The following DGCR2 variants were observed in gnomAD, a reference collection of about 807,000 sequenced individuals.
DGCR2 encodes integral membrane protein DGCR2/IDD.
In DGCR2, 24 loss-of-function variants were observed where a neutral mutation model predicts 51.6. The observed-to-expected ratio is 0.47, with a 90% confidence interval of 0.34 to 0.65. The LOEUF (loss-of-function observed/expected upper bound fraction) is 0.65, where lower values mean the gene tolerates loss of function less well. DGCR2 is among the 30% of genes least tolerant of loss of function. The pLI, the probability that DGCR2 is intolerant of heterozygous loss-of-function variation, is 0.01. For synonymous variants in DGCR2, 340 were observed against 315.4 expected (o/e 1.08, Z -0.82); for missense variants, 765 against 772.1 (o/e 0.99, Z 0.11).
intron 5 of DGCR2, among the ~76,000 whole-genome samples, chr22:19,058,669 GC>G: frequency 6.6e-6 from 1 of 152,310 alleles, no homozygotes; most frequent in South Asian, 2.1e-4. Flanking sequence ...GAAGCTAGTT[GC>G]CAGCTAAGAG....
chr22:19,117,524 C>T (rs909978129), intron 1 of DGCR2, among the ~76,000 whole-genome samples: 3 of 152,168 alleles, frequency 2.0e-5, no homozygotes, highest in Admixed American at 2.0e-4. Context: ...CTACTCTCTG[C>T]AATGGTTAAC....
intron 2 of DGCR2, 133 bp from the exon 3 acceptor site, chr22:19,068,358 C>G: frequency 9.1e-7 from 1 of 1,098,162 alleles, no homozygotes; most frequent in Non-Finnish European, 1.2e-6. Context: ...GCAATGCAGG[C>G]TTTCTTTAGA....
Position 19,048,496 on chromosome 22 carries a change from C to T in DGCR2, c.950G>A (p.Cys317Tyr). The T allele has an allele frequency of 6.2e-7, 1 of 1,614,196 alleles. No individual in the cohort carries two copies. The highest frequency in any genetic ancestry group is 8.5e-7 in the Non-Finnish European group (1 of 1,180,044). The change falls in exon 7 of 10, where the codon TGC becomes TAC. Residue 317 changes from cysteine to tyrosine, a missense_variant. By Grantham distance (194) the Cys-to-Tyr change is radical. Coordinates refer to ENST00000263196, the MANE Select transcript of DGCR2 (RefSeq NM_005137.3). ...VAALCERPQGCQQYRKDPKEC... is the reference protein window; with the variant it reads ...VAALCERPQGYQQYRKDPKEC... Reference sequence around the variant, plus strand: ...TTTGGGGTCCTTGCGGTACTGTTGGCAGCCCTGGGGCCTCTCACAGAGAGC... The same window carrying T: ...TTTGGGGTCCTTGCGGTACTGTTGGTAGCCCTGGGGCCTCTCACAGAGAGC...
chr22:19,063,087 C>CCATGTCT, intron 5 of DGCR2, 115 bp downstream of exon 5: 1 of 889,356 alleles, frequency 1.1e-6, no homozygotes, highest in Non-Finnish European at 1.7e-6. Context: ...CTCACCCACT[C>CCATGTCT]CCTGCACAGC....
At chr22:19,056,883 C>G (rs2086041889) in intron 6 of DGCR2, 103 bp downstream of exon 6, 1 of 1,320,710 alleles carries the variant, frequency 7.6e-7, no homozygotes, top group Non-Finnish European at 1.0e-6. Context: ...TCCACCGCAA[C>G]ACTGCAAATC....
intron 2 of DGCR2, among the ~76,000 whole-genome samples, chr22:19,079,545 C>T (rs894678326): frequency 6.6e-6 from 1 of 152,186 alleles, no homozygotes; most frequent in Non-Finnish European, 1.5e-5. Context: ...TGTCAGAATA[C>T]ATTTTTTTAA....
chr22:19,061,585 T>A (rs544220365), intron 5 of DGCR2: 1 of 152,230 alleles, frequency 6.6e-6, no homozygotes, highest in Non-Finnish European at 1.5e-5. Context: ...TTGTGCCACA[T>A]TTGGTTTTAT....
At chr22:19,105,706 G>A (rs578225835) in intron 1 of DGCR2, among the ~76,000 whole-genome samples, 40 of 158 alleles carry the variant, frequency 0.25, no homozygotes, top group East Asian at 0.5. Flanking sequence ...ACCAACCTGC[G>A]TCAGACAGAG....
At chr22:19,105,904 C>T (rs1177490830) in intron 1 of DGCR2, among the ~76,000 whole-genome samples, 1 of 152,110 alleles carries the variant, frequency 6.6e-6, no homozygotes, top group African/African-American at 2.4e-5. Flanking sequence ...CAAAGCCCCA[C>T]ATCCAGGTTC....
chr22:19,122,226 C>T lies in DGCR2; in HGVS notation c.-20G>A. ...CACCATTTATCCTCCGTTCATCGTCCCCGGGGCGGCTGGAAGGCCGGACCA... is the reference window on the plus strand; with the variant it reads ...CACCATTTATCCTCCGTTCATCGTCTCCGGGGCGGCTGGAAGGCCGGACCA... On this transcript the variant is annotated 5_prime_UTR_variant, in exon 1 of 10. Coordinates refer to ENST00000263196, the MANE Select transcript of DGCR2 (RefSeq NM_005137.3). 3 of 1,490,942 alleles carry T rather than the reference C, an allele frequency of 2.0e-6. No individual in the cohort carries two copies. Among genetic ancestry groups the T allele is most frequent in the Non-Finnish European group, 2.7e-6 (3 of 1,117,186 alleles). 92.4% of individuals were successfully genotyped at this position (1,490,942 alleles called of 1,614,324 possible).
intron 2 of DGCR2, among the ~76,000 whole-genome samples, chr22:19,073,517 C>T (rs1040977439): frequency 6.6e-6 from 1 of 152,026 alleles, no homozygotes; most frequent in Non-Finnish European, 1.5e-5. Context: ...AGGCATGAGT[C>T]TAAGATGAAA....
chr22:19,088,252 C>G (rs2083040086), intron 2 of DGCR2, among the ~76,000 whole-genome samples: 1 of 152,170 alleles, frequency 6.6e-6, no homozygotes, highest in African/African-American at 2.4e-5. Flanking sequence ...CAAGCCTGGG[C>G]ACCAGGAATG....
intron 6 of DGCR2, among the ~76,000 whole-genome samples, chr22:19,052,179 G>T (rs1322065004): frequency 6.6e-6 from 1 of 152,192 alleles, no homozygotes; most frequent in Admixed American, 6.5e-5. Flanking sequence ...CACTTTGGGA[G>T]GCCGATGCAG....
chr22:19,105,554 T>C (rs1325659740), intron 1 of DGCR2, among the ~76,000 whole-genome samples: 4 of 152,010 alleles, frequency 2.6e-5, no homozygotes, highest in Non-Finnish European at 5.9e-5. Context: ...TGCTGCCCAG[T>C]GGGGAAGGGA....
intron 2 of DGCR2, among the ~76,000 whole-genome samples, chr22:19,070,123 G>A (rs769804882): frequency 6.6e-6 from 1 of 152,286 alleles, no homozygotes; most frequent in Non-Finnish European, 1.5e-5. Context: ...CATGTCCTAA[G>A]CCATGCTACC....
At chr22:19,106,255 G>A (rs762625345) in intron 1 of DGCR2, among the ~76,000 whole-genome samples, 3 of 152,164 alleles carry the variant, frequency 2.0e-5, no homozygotes, top group Non-Finnish European at 2.9e-5. Context: ...CTCCAACAAT[G>A]CTCAGCTGCT....
chr22:19,089,323 C>A, intron 2 of DGCR2, 45 bp downstream of exon 2: 4 of 1,521,018 alleles, frequency 2.6e-6, no homozygotes, highest in African/African-American at 1.4e-5. Flanking sequence ...CCAGCTACAA[C>A]AAAGAGACAA....
chr22:19,105,384 C>T (rs745918246), intron 1 of DGCR2, among the ~76,000 whole-genome samples: 1 of 152,158 alleles, frequency 6.6e-6, no homozygotes, highest in African/African-American at 2.4e-5. Context: ...AAAGACAAAA[C>T]AGAGGGCATA....
At chr22:19,062,980 A>C (rs533910549) in intron 5 of DGCR2, among the ~76,000 whole-genome samples, 77 of 152,134 alleles carry the variant, frequency 5.1e-4, no homozygotes, top group Non-Finnish European at 6.6e-4. Context: ...CCAAAGTGAG[A>C]TGCAACAGAG....
Sources: gnomAD v4.1 joint callset for allele counts (sites outside exome capture counted in the v4.1 genomes callset) on GRCh38, gnomAD v4.1.1 for gene constraint, MANE v1.5 for transcripts, NCBI Gene and HGNC (gene_info 2026-07-23, HGNC 2026-07-21) for gene names.